The following ANK3 variants were observed in gnomAD, a reference collection of about 807,000 sequenced individuals.
ANK3 encodes ankyrin 3.
In ANK3, 57 loss-of-function variants were observed where a neutral mutation model predicts 370.9. That is an observed-to-expected ratio of 0.15 (90% CI 0.12 to 0.19). The LOEUF (loss-of-function observed/expected upper bound fraction) is 0.19, where lower values mean the gene tolerates loss of function less well. Ranked by LOEUF, ANK3 falls within the 10% of genes least tolerant of loss-of-function variation. The probability of loss-of-function intolerance (pLI) is 1.00; values close to 1 mark genes in which losing one functional copy is unlikely to be tolerated. For missense variants in ANK3, 4,439 were observed against 5,302.1 expected, an observed-to-expected ratio of 0.84 and a Z score of 5.06; for synonymous variants, 1,929 against 1,946.3, an observed-to-expected ratio of 0.99 and a Z score of 0.23.
At chr10:60,191,544 A>G (rs1231523521) in intron 16 of ANK3, among the ~76,000 whole-genome samples, 3 of 152,306 alleles carry the variant, frequency 2.0e-5, no homozygotes, top group Admixed American at 2.0e-4. Context: ...TCTCACACCA[A>G]TCCAAATGGC....
rs2097420730 is a variant in ANK3 at position 60,240,170 on chromosome 10, A to G, written c.799-5384T>C. ...CATATATATACATATATACACATAT[A>G]TATACATATATACACATATATATAC... On this transcript the variant is annotated intron_variant, in intron 7 of 43. Transcript: ENST00000280772. Among the ~76,000 whole-genome samples the G allele has an allele frequency of 2.2e-5, 3 of 137,368 alleles. No individual in the cohort carries two copies. The South Asian group carries it at 6.5e-4, about 30-fold the overall frequency. 90.1% of individuals were successfully genotyped at this position (137,368 alleles called of 152,430 possible).
chr10:60,530,451 A>G (rs1396737457), intron 2 of ANK3, among the ~76,000 whole-genome samples: 1 of 77,570 alleles, frequency 1.3e-5, no homozygotes, highest in Non-Finnish European at 2.8e-5. Flanking sequence ...GTTAATCTTC[A>G]CCAAAAAAAA....
intron 1 of ANK3, among the ~76,000 whole-genome samples, chr10:60,634,020 AAG>A (rs2078519452): frequency 6.6e-6 from 1 of 152,222 alleles, no homozygotes; most frequent in Admixed American, 6.5e-5. Flanking sequence ...TGATCAAAAT[AAG>A]AGACATATCT....
chr10:60,094,614 T>G (rs1269361467), intron 28 of ANK3, among the ~76,000 whole-genome samples: 1 of 152,206 alleles, frequency 6.6e-6, no homozygotes, highest in Non-Finnish European at 1.5e-5. Context: ...TACTTAAATA[T>G]TCTTTTGTAA....
chr10:60,278,631 A>C, intron 4 of ANK3, 143 bp downstream of exon 4: 1 of 676,092 alleles, frequency 1.5e-6, no homozygotes, highest in Non-Finnish European at 2.5e-6. Flanking sequence ...TTTGCCTTCC[A>C]AAGTGTGCCA....
chr10:60,469,637 ATATATATATATATATATGGTGG>A (rs1470087119), intron 2 of ANK3, among the ~76,000 whole-genome samples: 1 of 23,966 alleles, frequency 4.2e-5, no homozygotes, highest in African/African-American at 1.3e-4. Context: ...ATATATATAT[ATATATATATATATATATGGTGG>A]TATATATATA....
At chr10:60,064,455 A>T (rs2081219498) in intron 38 of ANK3, among the ~76,000 whole-genome samples, 167 bp from the exon 39 acceptor site, 1 of 152,216 alleles carries the variant, frequency 6.6e-6, no homozygotes, top group Non-Finnish European at 1.5e-5. Flanking sequence ...CAAAGTAGTG[A>T]CCATACACAG....
chr10:60,223,841 C>T (rs986551201), intron 8 of ANK3, among the ~76,000 whole-genome samples: 4 of 152,028 alleles, frequency 2.6e-5, no homozygotes, highest in Non-Finnish European at 5.9e-5. Context: ...CCTTTTTCTA[C>T]TCAGAATACT....
chr10:60,692,347 T>A lies in ANK3; in HGVS notation c.57+40916A>T, dbSNP rs149655429. 4.3e-3 allele frequency among the ~76,000 whole-genome samples: 654 copies of A among 152,308 alleles called. 1 individual carries two copies. Among genetic ancestry groups the A allele is most frequent in the Non-Finnish European group, 6.1e-3 (414 of 68,022 alleles). On this transcript the variant is annotated intron_variant, in intron 1 of 43. Transcript: ENST00000373827. Reference sequence around the variant, plus strand: ...GTAGCCCAAGGTGTTGGCCTTTCTGTCATGGGCTGCCTCAAATGAGGGTCT... The same window carrying A: ...GTAGCCCAAGGTGTTGGCCTTTCTGACATGGGCTGCCTCAAATGAGGGTCT...
At chr10:60,618,206 C>A (rs960330704) in intron 1 of ANK3, among the ~76,000 whole-genome samples, 2 of 152,094 alleles carry the variant, frequency 1.3e-5, no homozygotes, top group African/African-American at 2.4e-5. Flanking sequence ...AACCATGCCA[C>A]CATGCTATAA....
chr10:60,623,223 C>T, intron 1 of ANK3, among the ~76,000 whole-genome samples: 1 of 152,126 alleles, frequency 6.6e-6, no homozygotes, highest in East Asian at 1.9e-4. Flanking sequence ...TCTGGAGGCA[C>T]TTACTGTCTT....
intron 42 of ANK3, 26 bp from the exon 43 acceptor site, chr10:60,042,785 A>C: frequency 6.2e-7 from 1 of 1,605,500 alleles, no homozygotes; most frequent in South Asian, 1.1e-5. Flanking sequence ...ACATATTAAG[A>C]TTTCACAGTG....
intron 2 of ANK3, among the ~76,000 whole-genome samples, chr10:60,441,407 A>T (rs1248719398): frequency 2.0e-5 from 3 of 152,152 alleles, no homozygotes. Flanking sequence ...TATATAATAA[A>T]ACCTCTGACT....
intron 40 of ANK3, chr10:60,061,897 T>A (rs1056290901): frequency 6.6e-6 from 1 of 152,162 alleles, no homozygotes; most frequent in Non-Finnish European, 1.5e-5. Flanking sequence ...TTTGCCAGTT[T>A]AAAAATGGAA....
intron 2 of ANK3, among the ~76,000 whole-genome samples, chr10:60,529,401 G>A (rs1304307917): frequency 6.6e-6 from 1 of 152,152 alleles, no homozygotes; most frequent in Non-Finnish European, 1.5e-5. Flanking sequence ...GGAAGAGGCT[G>A]TCAGTTACCA....
chr10:60,051,957 T>C (rs957165156), intron 42 of ANK3, among the ~76,000 whole-genome samples: 14 of 152,162 alleles, frequency 9.2e-5, no homozygotes, highest in African/African-American at 3.1e-4. Flanking sequence ...CCTTGTAAAT[T>C]GGGCCATATT....
chr10:60,179,379 C>A (rs138628810), intron 18 of ANK3, among the ~76,000 whole-genome samples: 109 of 152,266 alleles, frequency 7.2e-4, no homozygotes, highest in Non-Finnish European at 1.2e-3. Context: ...TTACATGCTG[C>A]CAGATATCAT....
intron 1 of ANK3, among the ~76,000 whole-genome samples, chr10:60,383,387 C>A (rs1310767580): frequency 6.6e-6 from 1 of 152,158 alleles, no homozygotes; most frequent in Non-Finnish European, 1.5e-5. Context: ...ATCCATTTTG[C>A]AGGTGGAGAG....
At chr10:60,578,894 A>G (rs1245894629) in intron 2 of ANK3, among the ~76,000 whole-genome samples, 1 of 152,200 alleles carries the variant, frequency 6.6e-6, no homozygotes, top group East Asian at 1.9e-4. Flanking sequence ...TCTTAATGGT[A>G]CCTTGCCTAA....
Sources: gnomAD v4.1 joint callset for allele counts (sites outside exome capture counted in the v4.1 genomes callset) on GRCh38, gnomAD v4.1.1 for gene constraint, MANE v1.5 for transcripts, NCBI Gene and HGNC (gene_info 2026-07-23, HGNC 2026-07-21) for gene names.